ZNF804B: variants seen among roughly 807,000 people sequenced by gnomAD.
ZNF804B encodes the protein zinc finger 804B.
In ZNF804B, 80 loss-of-function variants were observed where a neutral mutation model predicts 101.4. That is an observed-to-expected ratio of 0.79 (90% CI 0.66 to 0.95). The LOEUF is 0.95. Among genes scored for constraint, ZNF804B ranks in the 40% least tolerant of loss-of-function variants. The pLI, the probability that ZNF804B is intolerant of heterozygous loss-of-function variation, is 0.00. For synonymous variants in ZNF804B, 622 were observed against 558.8 expected, an observed-to-expected ratio of 1.11 and a Z score of -1.59; for missense variants, 1,673 against 1,561.9, an observed-to-expected ratio of 1.07 and a Z score of -1.20.
intron 1 of ZNF804B, among the ~76,000 whole-genome samples, chr7:88,983,667 T>C (rs943567504): frequency 4.6e-5 from 7 of 152,104 alleles, no homozygotes; most frequent in African/African-American, 1.7e-4. Context: ...GCTGAAAGGC[T>C]AGTATCTTAA....
At chr7:89,271,950 G>GA (rs1284383928) in intron 2 of ZNF804B, among the ~76,000 whole-genome samples, 1 of 151,750 alleles carries the variant, frequency 6.6e-6, no homozygotes, top group Non-Finnish European at 1.5e-5. Flanking sequence ...TTTTCTACAT[G>GA]AAAAAATTTG....
chr7:88,801,705 AAAAG>A (rs1211707956), intron 1 of ZNF804B, among the ~76,000 whole-genome samples: 6 of 152,136 alleles, frequency 3.9e-5, no homozygotes, highest in Non-Finnish European at 5.9e-5. Flanking sequence ...AAAATTTTAA[AAAAG>A]AAACAAAATT....
chr7:89,016,685 C>T (rs1277911853), intron 1 of ZNF804B, among the ~76,000 whole-genome samples: 1 of 151,982 alleles, frequency 6.6e-6, no homozygotes, highest in East Asian at 1.9e-4. Flanking sequence ...CTGTTCTGTT[C>T]CATTGATTTA....
chr7:88,829,070 A>G (rs1791092157), intron 1 of ZNF804B, among the ~76,000 whole-genome samples: 1 of 151,992 alleles, frequency 6.6e-6, no homozygotes. Flanking sequence ...CTATTATTAC[A>G]TATCTATTGT....
Position 88,914,516 on chromosome 7 carries a change from C to T in ZNF804B, c.108+154432C>T, listed in dbSNP as rs11975561. On this transcript the variant is annotated intron_variant, in intron 1 of 3. Coordinates refer to ENST00000333190, the MANE Select transcript of ZNF804B (RefSeq NM_181646.5). ...CCAGCAGTGCCTGATCATTCCCTCG[C>T]GTATTTTAGCAACTCCCTTGCCTGC... 8.6e-3 allele frequency among the ~76,000 whole-genome samples: 1,297 copies of T among 151,670 alleles called. 14 individuals carry two copies. Among genetic ancestry groups the T allele is most frequent in the Middle Eastern group, 0.024 (7 of 294 alleles).
At chr7:88,993,245 A>G (rs1272188654) in intron 1 of ZNF804B, among the ~76,000 whole-genome samples, 2 of 152,160 alleles carry the variant, frequency 1.3e-5, no homozygotes, top group South Asian at 2.1e-4. Context: ...AAATAACACT[A>G]TATTTTGTGT....
intron 1 of ZNF804B, among the ~76,000 whole-genome samples, chr7:88,805,893 A>C (rs182157678): frequency 3.3e-5 from 5 of 152,068 alleles, no homozygotes; most frequent in African/African-American, 1.2e-4. Flanking sequence ...ACGTGTTCCA[A>C]GAGTTCCCAG....
At chr7:88,902,341 A>G (rs1792405066) in intron 1 of ZNF804B, among the ~76,000 whole-genome samples, 1 of 152,036 alleles carries the variant, frequency 6.6e-6, no homozygotes, top group Non-Finnish European at 1.5e-5. Context: ...CAAAGCATTC[A>G]AATTAATACC....
At chr7:89,025,341 T>C (rs1562863708) in intron 1 of ZNF804B, among the ~76,000 whole-genome samples, 1 of 152,152 alleles carries the variant, frequency 6.6e-6, no homozygotes, top group Non-Finnish European at 1.5e-5. Context: ...TATTACAGTT[T>C]GAGTCATTAG....
chr7:89,144,225 C>T (rs1179149494), intron 1 of ZNF804B, among the ~76,000 whole-genome samples: 1 of 151,872 alleles, frequency 6.6e-6, no homozygotes, highest in Non-Finnish European at 1.5e-5. Flanking sequence ...TCTTTATTTT[C>T]AATGGATCCT....
At chr7:89,278,907 T>C (rs1421879784) in intron 2 of ZNF804B, among the ~76,000 whole-genome samples, 5 of 152,090 alleles carry the variant, frequency 3.3e-5, no homozygotes, top group Middle Eastern at 3.2e-3. Context: ...GGTAGCTTGA[T>C]GGGGATGGCA....
chr7:89,137,187 A>C lies in ZNF804B; in HGVS notation c.109-80968A>C, dbSNP rs528418889. 3.3e-5 allele frequency among the ~76,000 whole-genome samples: 5 copies of C among 152,234 alleles called. No individual in the cohort carries two copies. The South Asian group carries it at 1.0e-3, about 32-fold the overall frequency. On this transcript the variant is annotated intron_variant, in intron 1 of 3. Coordinates refer to ENST00000333190, the MANE Select transcript of ZNF804B (RefSeq NM_181646.5). ...ACAAAAATATGGAAGATATTATGGA[A>C]CTGGGTAACATGCAGGGGCTGGAAC...
At chr7:88,780,030 A>G (rs971232733) in intron 1 of ZNF804B, among the ~76,000 whole-genome samples, 13 of 152,242 alleles carry the variant, frequency 8.5e-5, no homozygotes, top group African/African-American at 3.1e-4. Context: ...TTGGGTATAT[A>G]CATAATCAAC....
intron 1 of ZNF804B, among the ~76,000 whole-genome samples, chr7:88,985,985 A>G (rs1011881564): frequency 2.6e-5 from 4 of 152,128 alleles, no homozygotes; most frequent in Non-Finnish European, 5.9e-5. Flanking sequence ...TGCCTCAAAT[A>G]TTTGCACAAA....
chr7:88,937,510 T>A (rs547248102), intron 1 of ZNF804B, among the ~76,000 whole-genome samples: 8 of 152,044 alleles, frequency 5.3e-5, no homozygotes, highest in Non-Finnish European at 8.8e-5. Context: ...AGCTTCCCTA[T>A]AAATGAATGA....
chr7:88,915,277 T>G (rs1195096500), intron 1 of ZNF804B, among the ~76,000 whole-genome samples: 2 of 152,088 alleles, frequency 1.3e-5, no homozygotes, highest in Non-Finnish European at 2.9e-5. Context: ...AGATTTTGCC[T>G]TTCCTGATTA....
chr7:89,119,075 A>G (rs968956960), intron 1 of ZNF804B, among the ~76,000 whole-genome samples: 2 of 152,172 alleles, frequency 1.3e-5, no homozygotes, highest in Non-Finnish European at 2.9e-5. Flanking sequence ...ACTGAGTTTA[A>G]TGAAAGAGTA....
At chr7:88,853,839 T>C (rs1333573347) in intron 1 of ZNF804B, among the ~76,000 whole-genome samples, 1 of 152,112 alleles carries the variant, frequency 6.6e-6, no homozygotes, top group Non-Finnish European at 1.5e-5. Flanking sequence ...GAAAATAGAT[T>C]ATGCTTACTT....
At chr7:89,156,943 G>C (rs1386192458) in intron 1 of ZNF804B, among the ~76,000 whole-genome samples, 1 of 152,102 alleles carries the variant, frequency 6.6e-6, no homozygotes, top group African/African-American at 2.4e-5. Flanking sequence ...GGAGGAAGGA[G>C]GAGGGAGAAG....
Sources: allele counts gnomAD v4.1 joint callset (sites outside exome capture counted in the v4.1 genomes callset), GRCh38; gene constraint gnomAD v4.1.1; transcripts MANE v1.5; gene names NCBI Gene and HGNC (gene_info 2026-07-23, HGNC 2026-07-21).